The following GPM6A variants were observed in gnomAD, a reference collection of about 807,000 sequenced individuals.
The protein encoded by GPM6A is glycoprotein M6A, also known as neuronal membrane glycoprotein M6-a.
GPM6A carries 7 observed loss-of-function variants against 32.1 expected under a neutral mutation model. The ratio of observed to expected loss-of-function variants is 0.22; its 90% CI spans 0.12 to 0.41. The LOEUF (loss-of-function observed/expected upper bound fraction) is 0.41. GPM6A is among the 10% of genes least tolerant of loss of function. GPM6A has a pLI of 1.00. For missense variants in GPM6A, 235 were observed against 347.2 expected (o/e 0.68, Z 2.57); for synonymous variants, 130 against 123.4 (o/e 1.05, Z -0.35).
At chr4:175,801,479 C>A (rs1395465145) in intron 1 of GPM6A, among the ~76,000 whole-genome samples, 1 of 151,934 alleles carries the variant, frequency 6.6e-6, no homozygotes, top group Non-Finnish European at 1.5e-5. Flanking sequence ...ATAGACCACT[C>A]AGTAGACTTT....
At chr4:175,961,967 C>T in intron 1 of GPM6A, 1 of 501,282 alleles carries the variant, frequency 2.0e-6, no homozygotes. Flanking sequence ...CCCAACCTTA[C>T]CACCACAGCA....
intron 1 of GPM6A, among the ~76,000 whole-genome samples, chr4:175,827,073 T>C (rs927449782): frequency 1.3e-5 from 2 of 152,200 alleles, no homozygotes; most frequent in Non-Finnish European, 1.5e-5. Flanking sequence ...GAAGTAAGTA[T>C]CATTAATTAA....
intron 3 of GPM6A, among the ~76,000 whole-genome samples, chr4:175,664,728 G>A (rs887053991): frequency 5.9e-5 from 9 of 152,036 alleles, no homozygotes; most frequent in Non-Finnish European, 7.4e-5. Flanking sequence ...GTAGAAGTTC[G>A]TTCTATCCTC....
At chr4:175,730,905 CA>C (rs1731399525) in intron 1 of GPM6A, among the ~76,000 whole-genome samples, 1 of 152,124 alleles carries the variant, frequency 6.6e-6, no homozygotes, top group Non-Finnish European at 1.5e-5. Flanking sequence ...TAACTTGGGT[CA>C]AAAGATCCAT....
At chr4:176,000,881 C>A (rs2126476716) in intron 1 of GPM6A, among the ~76,000 whole-genome samples, 1 of 152,254 alleles carries the variant, frequency 6.6e-6, no homozygotes, top group African/African-American at 2.4e-5. Context: ...AATGTTTTAT[C>A]TTTCTTTTTT....
chr4:175,815,376 T>C (rs1049772382), upstream of GPM6A, among the ~76,000 whole-genome samples: 1 of 152,176 alleles, frequency 6.6e-6, no homozygotes, highest in African/African-American at 2.4e-5. Flanking sequence ...TCATTGGAAG[T>C]AAAAATATTT....
intron 1 of GPM6A, among the ~76,000 whole-genome samples, chr4:175,736,927 G>A (rs1731685188): frequency 6.6e-6 from 1 of 152,162 alleles, no homozygotes; most frequent in Non-Finnish European, 1.5e-5. Context: ...CTTTGGTGAT[G>A]CTGGTGTAAA....
chr4:175,766,049 T>G (rs906407605), intron 1 of GPM6A, among the ~76,000 whole-genome samples: 12 of 152,202 alleles, frequency 7.9e-5, no homozygotes, highest in Admixed American at 7.2e-4. Context: ...TTCTTTATGA[T>G]TCATTATTCT....
chr4:175,990,670 G>A (rs1317449342), intron 1 of GPM6A, among the ~76,000 whole-genome samples: 1 of 150,156 alleles, frequency 6.7e-6, no homozygotes, highest in Admixed American at 6.6e-5. Context: ...ACCAGGGAAT[G>A]GTTGGTGGTC....
intron 6 of GPM6A, among the ~76,000 whole-genome samples, chr4:175,637,720 T>A (rs1293653637): frequency 1.2e-5 from 1 of 82,388 alleles, no homozygotes; most frequent in Non-Finnish European, 2.1e-5. Context: ...TATATTTATA[T>A]ATAATATATT....
intron 1 of GPM6A, among the ~76,000 whole-genome samples, chr4:175,984,319 C>A (rs557650427): frequency 7.2e-5 from 11 of 152,128 alleles, no homozygotes; most frequent in African/African-American, 2.4e-4. Flanking sequence ...CGTTCCACCA[C>A]GCCCGGCTAA....
At chr4:175,853,361 G>C (rs1360101544) in intron 1 of GPM6A, among the ~76,000 whole-genome samples, 1 of 151,806 alleles carries the variant, frequency 6.6e-6, no homozygotes, top group Non-Finnish European at 1.5e-5. Context: ...ACTAACAAAA[G>C]AAGCTTTAGG....
At chr4:175,674,211 T>C (rs2110985982) in intron 2 of GPM6A, among the ~76,000 whole-genome samples, 2 of 152,330 alleles carry the variant, frequency 1.3e-5, no homozygotes. Context: ...CAGAGACTGC[T>C]CTGTTGCCCA....
At chr4:175,693,878 G>A (rs890748641) in intron 2 of GPM6A, among the ~76,000 whole-genome samples, 8 of 152,142 alleles carry the variant, frequency 5.3e-5, no homozygotes, top group East Asian at 3.9e-4. Flanking sequence ...CATAGGGGCA[G>A]TTTCTCATGA....
At position 175,948,958 on chromosome 4, in the gene GPM6A, A is replaced by T. The variant is rs1355205684; in HGVS notation, c.-23+53351T>A. 6.2e-5 allele frequency among the ~76,000 whole-genome samples: 9 copies of T among 144,814 alleles called. No homozygotes were observed. The East Asian group carries it at 1.9e-3, about 30-fold the overall frequency. On this transcript the variant is annotated intron_variant, in intron 1 of 7. Transcript: ENST00000280187. ...ACCAACAAGACTGCATTTGGTGGTA[A>T]GTGTGTGTGTGTGTGTGTGTGTGTG... is the stretch of plus-strand genomic sequence containing the variant.
chr4:175,733,395 C>T (rs555778810), intron 1 of GPM6A, among the ~76,000 whole-genome samples: 41 of 152,142 alleles, frequency 2.7e-4, no homozygotes, highest in Non-Finnish European at 5.6e-4. Flanking sequence ...CCAAGCTACT[C>T]GGGAGGCTGA....
intron 1 of GPM6A, among the ~76,000 whole-genome samples, chr4:175,775,954 T>C (rs1733376948): frequency 6.6e-6 from 1 of 152,036 alleles, no homozygotes; most frequent in Admixed American, 6.6e-5. Context: ...ACAGGAAACC[T>C]TGAGAAAAAA....
chr4:175,899,755 G>A (rs1040673809), intron 1 of GPM6A, among the ~76,000 whole-genome samples: 5 of 149,088 alleles, frequency 3.4e-5, no homozygotes, highest in Non-Finnish European at 6.0e-5. Context: ...TAAAACCTCC[G>A]ACAATGAATC....
chr4:175,998,989 T>C (rs753092176), intron 1 of GPM6A, among the ~76,000 whole-genome samples: 14 of 152,062 alleles, frequency 9.2e-5, no homozygotes, highest in Non-Finnish European at 1.9e-4. Context: ...CAAACACACC[T>C]CCTTACTGCC....
Sources: allele counts gnomAD v4.1 joint callset (sites outside exome capture counted in the v4.1 genomes callset), GRCh38; gene constraint gnomAD v4.1.1; transcripts MANE v1.5; gene names NCBI Gene and HGNC (gene_info 2026-07-23, HGNC 2026-07-21).